ITGBL1: variants seen among roughly 807,000 people sequenced by gnomAD.
ITGBL1 encodes integrin beta-like protein 1.
A neutral mutation model predicts 68.5 loss-of-function variants in ITGBL1; 51 were observed. The observed-to-expected ratio is 0.74, with a 90% CI of 0.59 to 0.94. The LOEUF (loss-of-function observed/expected upper bound fraction) is 0.94, where lower values mean the gene tolerates loss of function less well. Among genes scored for constraint, ITGBL1 ranks in the 40% least tolerant of loss-of-function variants. ITGBL1 has a pLI of 0.00. For synonymous variants in ITGBL1, 209 were observed against 227.3 expected, an observed-to-expected ratio of 0.92 and a Z score of 0.72; for missense variants, 649 against 647.4, an observed-to-expected ratio of 1.00 and a Z score of -0.03.
intron 7 of ITGBL1, among the ~76,000 whole-genome samples, chr13:101,655,898 C>T (rs1035615756): frequency 2.1e-4 from 32 of 152,140 alleles, no homozygotes; most frequent in Non-Finnish European, 4.1e-4. Flanking sequence ...AAATATGAGT[C>T]GCCATGGCCC....
chr13:101,585,597 AT>A (rs1196957907), intron 6 of ITGBL1, among the ~76,000 whole-genome samples: 1 of 151,604 alleles, frequency 6.6e-6, no homozygotes, highest in Non-Finnish European at 1.5e-5. Context: ...CGCCCGGCTT[AT>A]TTTTTTGTAT....
At chr13:101,487,802 G>C (rs927235758) in intron 2 of ITGBL1, among the ~76,000 whole-genome samples, 1 of 152,224 alleles carries the variant, frequency 6.6e-6, no homozygotes, top group Non-Finnish European at 1.5e-5. Context: ...ATCAACTGAA[G>C]TATGTTCAGT....
chr13:101,671,481 C>T (rs181372465), intron 7 of ITGBL1, among the ~76,000 whole-genome samples: 2,729 of 124,462 alleles, frequency 0.022, 54 homozygotes, highest in Middle Eastern at 0.066. Context: ...CTCTGTCGCC[C>T]GGGCTGGAGT....
intron 2 of ITGBL1, among the ~76,000 whole-genome samples, chr13:101,565,438 A>G (rs1372037023): frequency 6.6e-6 from 1 of 152,152 alleles, no homozygotes; most frequent in Non-Finnish European, 1.5e-5. Context: ...AAAATGAATC[A>G]TGGAACCCTT....
intron 5 of ITGBL1, among the ~76,000 whole-genome samples, chr13:101,580,507 G>A (rs2050438570): frequency 6.6e-6 from 1 of 152,068 alleles, no homozygotes; most frequent in Non-Finnish European, 1.5e-5. Context: ...TGTTACATAT[G>A]TATACATGTG....
At chr13:101,669,849 T>G (rs949042992) in intron 7 of ITGBL1, among the ~76,000 whole-genome samples, 11 of 152,186 alleles carry the variant, frequency 7.2e-5, no homozygotes, top group African/African-American at 2.7e-4. Flanking sequence ...GTCTCAGAAG[T>G]TCAACTTTTC....
chr13:101,660,812 G>T (rs931823358), intron 7 of ITGBL1, among the ~76,000 whole-genome samples: 2 of 152,164 alleles, frequency 1.3e-5, no homozygotes, highest in African/African-American at 4.8e-5. Context: ...CCTCTCTATT[G>T]TTATATCTAA....
At chr13:101,656,006 A>G (rs2032909939) in intron 7 of ITGBL1, among the ~76,000 whole-genome samples, 1 of 152,154 alleles carries the variant, frequency 6.6e-6, no homozygotes, top group South Asian at 2.1e-4. Flanking sequence ...AATACATTTA[A>G]GAAATACATT....
At chr13:101,604,885 T>TACACACACACACACACACACAC (rs1449617732) in intron 7 of ITGBL1, among the ~76,000 whole-genome samples, 143 of 11,902 alleles carry the variant, frequency 0.012, no homozygotes, top group Non-Finnish European at 0.022. Context: ...TATATATATA[T>TACACACACACACACACACACAC]ATACACACAC....
At chr13:101,494,969 G>A (rs187129130) in intron 2 of ITGBL1, among the ~76,000 whole-genome samples, 5 of 152,254 alleles carry the variant, frequency 3.3e-5, no homozygotes, top group East Asian at 3.9e-4. Flanking sequence ...ATAGGAATGC[G>A]TTAGACCAAG....
intron 9 of ITGBL1, among the ~76,000 whole-genome samples, chr13:101,707,834 C>G (rs1411778278): frequency 2.2e-5 from 3 of 138,152 alleles, no homozygotes; most frequent in African/African-American, 5.5e-5. Context: ...GCCTGGGCAA[C>G]AGAGCAAGAC....
chr13:101,671,984 C>G (rs2033390330), intron 7 of ITGBL1, among the ~76,000 whole-genome samples: 1 of 152,080 alleles, frequency 6.6e-6, no homozygotes, highest in South Asian at 2.1e-4. Flanking sequence ...AAACCTGAAG[C>G]CTGCCTTGGT....
intron 7 of ITGBL1, among the ~76,000 whole-genome samples, chr13:101,671,426 G>GTTTT (rs66501713): frequency 0.15 from 16,810 of 112,164 alleles, 2,714 homozygotes; most frequent in East Asian, 0.35. Context: ...GTATACCTTT[G>GTTTT]TTTTTTTTTT....
In ITGBL1 at chr13:101,706,778, T is replaced by G. The variant is rs1048314150; in HGVS notation, c.1155T>G (p.Gly385=). The G allele has an allele frequency of 1.2e-6, 2 of 1,614,184 alleles. No homozygotes were observed. The highest frequency in any genetic ancestry group is 1.7e-6 in the Non-Finnish European group (2 of 1,180,018). Residue 385 remains glycine (G), a synonymous_variant, in exon 9 of 11, where the codon GGT becomes GGG. Coordinates refer to ENST00000376180, the MANE Select transcript of ITGBL1 (RefSeq NM_004791.3). ...VCGGHGTCSC[G]RCVCERGWFG... Reference sequence around the variant, plus strand: ...CAGGCCACGGCACATGTTCCTGTGGTCGCTGTGTTTGTGAGAGAGGATGGT... The same window carrying G: ...CAGGCCACGGCACATGTTCCTGTGGGCGCTGTGTTTGTGAGAGAGGATGGT...
At chr13:101,653,021 G>A (rs1372725846) in intron 7 of ITGBL1, among the ~76,000 whole-genome samples, 3 of 151,924 alleles carry the variant, frequency 2.0e-5, no homozygotes, top group African/African-American at 4.8e-5. Flanking sequence ...GCTCGAACCC[G>A]GGAGGTGGAG....
intron 2 of ITGBL1, among the ~76,000 whole-genome samples, chr13:101,505,353 G>A (rs760993481): frequency 6.6e-5 from 10 of 152,236 alleles, no homozygotes; most frequent in Admixed American, 2.0e-4. Context: ...TGGACTGGAT[G>A]TGCATGTTCT....
chr13:101,549,157 A>C (rs1243542115), intron 2 of ITGBL1, among the ~76,000 whole-genome samples: 2 of 151,914 alleles, frequency 1.3e-5, no homozygotes, highest in African/African-American at 4.8e-5. Flanking sequence ...GAAAGAAATA[A>C]GTTGTTAATT....
chr13:101,516,547 A>T (rs2049198553), intron 2 of ITGBL1, among the ~76,000 whole-genome samples: 1 of 152,148 alleles, frequency 6.6e-6, no homozygotes, highest in Non-Finnish European at 1.5e-5. Context: ...GCATTTTAAA[A>T]ATATGCACAA....
intron 4 of ITGBL1, among the ~76,000 whole-genome samples, chr13:101,578,637 G>A (rs2050403135): frequency 1.3e-5 from 2 of 152,158 alleles, no homozygotes; most frequent in African/African-American, 4.8e-5. Context: ...ACACAAAATG[G>A]TGAGTGCCCT....
Sources: gnomAD v4.1 joint callset for allele counts (sites outside exome capture counted in the v4.1 genomes callset) on GRCh38, gnomAD v4.1.1 for gene constraint, MANE v1.5 for transcripts, NCBI Gene and HGNC (gene_info 2026-07-23, HGNC 2026-07-21) for gene names.